HDAC4: variants seen among roughly 807,000 people sequenced by gnomAD.
The protein encoded by HDAC4 is histone deacetylase 4, also known as histone deacetylase A.
A neutral mutation model predicts 135.1 loss-of-function variants in HDAC4; 16 were observed. The observed-to-expected ratio is 0.12, with a 90% CI of 0.08 to 0.18. HDAC4 has a LOEUF of 0.18. HDAC4 is among the 10% of genes least tolerant of loss of function. The probability of loss-of-function intolerance (pLI) is 1.00; values close to 1 mark genes in which losing one functional copy is unlikely to be tolerated. For synonymous variants in HDAC4, 685 were observed against 653.4 expected (o/e 1.05, Z -0.74); for missense variants, 1,143 against 1,511.8 (o/e 0.76, Z 4.05).
chr2:239,138,856 C>T (rs756698315), intron 9 of HDAC4, among the ~76,000 whole-genome samples: 2 of 152,224 alleles, frequency 1.3e-5, no homozygotes, highest in Non-Finnish European at 2.9e-5. Context: ...GAACACGGAG[C>T]GAGGTCCTCG....
chr2:239,114,725 C>T (rs1042430212), intron 13 of HDAC4, among the ~76,000 whole-genome samples: 1 of 152,224 alleles, frequency 6.6e-6, no homozygotes, highest in Admixed American at 6.5e-5. Context: ...CTTTAAAAAG[C>T]ATGCTGTATC....
intron 14 of HDAC4, among the ~76,000 whole-genome samples, chr2:239,110,708 G>A (rs576763372): frequency 6.6e-6 from 1 of 152,218 alleles, no homozygotes; most frequent in Non-Finnish European, 1.5e-5. Context: ...TTCTTAGTGC[G>A]TCATTAACAA....
rs2041742838 is a variant in HDAC4, at chr2:239,146,092, C to T, written c.734-1378G>A. 1.3e-5 allele frequency among the ~76,000 whole-genome samples: 2 copies of T among 152,354 alleles called. No homozygotes were observed. The highest frequency in any genetic ancestry group is 4.8e-5 in the African/African-American group (2 of 41,580). On this transcript the variant is annotated intron_variant, in intron 7 of 26. Coordinates refer to ENST00000543185, the MANE Select transcript of HDAC4 (RefSeq NM_001378414.1). The surrounding 1 kb of genome is among the most constrained non-coding windows in gnomAD (Gnocchi z 4.5). ...CCTGGATGACGACAGATGACGGATT[C>T]AGCCACAAGCCGGCCTCTCCACGGG...
In HDAC4 at chr2:239,049,843, G is replaced by A. The variant is rs1267161873; in HGVS notation, c.*3254C>T. 2.6e-5 allele frequency: 4 copies of A among 152,372 alleles called. No homozygotes were observed. Among genetic ancestry groups the A allele is most frequent in the African/African-American group, 7.2e-5 (3 of 41,462 alleles). The allele number at this position is 152,372 out of a possible 1,614,324, so 9.4% of individuals were successfully genotyped here. A position where few individuals can be genotyped will look rare whatever the true frequency, so the allele number is the denominator to read the frequency against. On this transcript the variant is annotated 3_prime_UTR_variant, in exon 27 of 27. Transcript: ENST00000543185. Reference sequence around the variant, plus strand: ...GGGCGTGGGCACGTGGGCACGCTGCGGCACGGCGGGAAGCCGCGAGGGCAG... The same window carrying A: ...GGGCGTGGGCACGTGGGCACGCTGCAGCACGGCGGGAAGCCGCGAGGGCAG...
intron 5 of HDAC4, among the ~76,000 whole-genome samples, chr2:239,166,237 AC>A (rs1327295415): frequency 1.3e-5 from 2 of 152,140 alleles, no homozygotes; most frequent in African/African-American, 4.8e-5. Flanking sequence ...AACAGGGTCT[AC>A]CCAGGCTGTG....
At chr2:239,319,358 C>T (rs978907130) in intron 2 of HDAC4, among the ~76,000 whole-genome samples, 3 of 152,200 alleles carry the variant, frequency 2.0e-5, no homozygotes, top group African/African-American at 4.8e-5. Flanking sequence ...ATTAAGAAAA[C>T]GAAACCAACA....
At chr2:239,300,839 A>T (rs1162898815) in intron 2 of HDAC4, among the ~76,000 whole-genome samples, 1 of 152,256 alleles carries the variant, frequency 6.6e-6, no homozygotes, top group Non-Finnish European at 1.5e-5. Context: ...GTGAAAGAGA[A>T]GGGAAAGAAG....
chr2:239,323,947 A>G (rs1021419958), intron 2 of HDAC4, among the ~76,000 whole-genome samples: 1 of 152,216 alleles, frequency 6.6e-6, no homozygotes, highest in Non-Finnish European at 1.5e-5. Flanking sequence ...TCAGAATGAA[A>G]TATATCCTCT....
chr2:239,271,458 G>A (rs144845917), intron 2 of HDAC4, among the ~76,000 whole-genome samples: 8 of 152,314 alleles, frequency 5.3e-5, no homozygotes, highest in Middle Eastern at 3.4e-3. Context: ...CACATTCTAA[G>A]TTTTCAGTGC....
At chr2:239,399,307 G>A (rs1179684676) in intron 1 of HDAC4, among the ~76,000 whole-genome samples, 1 of 152,174 alleles carries the variant, frequency 6.6e-6, no homozygotes, top group Non-Finnish European at 1.5e-5. Flanking sequence ...CATAGTTACT[G>A]CAAAATTCTG....
chr2:239,277,224 C>T (rs1489788739), intron 2 of HDAC4, among the ~76,000 whole-genome samples: 1 of 152,222 alleles, frequency 6.6e-6, no homozygotes, highest in African/African-American at 2.4e-5. Context: ...ACCATGCTCC[C>T]AGAGCCGAGC....
rs759401388 is a variant in HDAC4 at position 239,167,493 on chromosome 2, G to A, written c.491-3570C>T. ...CATAGGCCTGGCCAGCAGGAAACAC[G>A]AGGAAGGTAAGTCTTCGATTCATGA... is the stretch of plus-strand genomic sequence containing the variant. On this transcript the variant is annotated intron_variant, in intron 5 of 26. Coordinates refer to ENST00000543185, the MANE Select transcript of HDAC4 (RefSeq NM_001378414.1). This position sits in a 1 kb window ranked among gnomAD's most constrained non-coding sequence, Gnocchi z 4.1. Among the ~76,000 whole-genome samples, 5 of 152,168 alleles carry A rather than the reference G, an allele frequency of 3.3e-5. No homozygotes were observed. The highest frequency in any genetic ancestry group is 2.1e-4 in the South Asian group (1 of 4,826).
At chr2:239,217,926 T>C (rs2046732769) in intron 3 of HDAC4, among the ~76,000 whole-genome samples, 1 of 152,014 alleles carries the variant, frequency 6.6e-6, no homozygotes, top group South Asian at 2.1e-4. Context: ...ACCCCATCTT[T>C]CCAAAAAATT....
intron 3 of HDAC4, among the ~76,000 whole-genome samples, chr2:239,206,613 C>T (rs1237915897): frequency 1.3e-5 from 2 of 150,958 alleles, no homozygotes; most frequent in South Asian, 2.1e-4. Context: ...GGAAGGAAAA[C>T]TCTGTGGGAC....
At chr2:239,329,964 G>C (rs1442373154) in intron 2 of HDAC4, among the ~76,000 whole-genome samples, 3 of 152,152 alleles carry the variant, frequency 2.0e-5, no homozygotes, top group African/African-American at 7.2e-5. Flanking sequence ...GGAGCAAGGA[G>C]GAGGGGTGTC....
intron 19 of HDAC4, among the ~76,000 whole-genome samples, chr2:239,085,478 G>C (rs544017247): frequency 1.3e-5 from 2 of 152,216 alleles, no homozygotes; most frequent in African/African-American, 4.8e-5. Flanking sequence ...GGCTCACGGG[G>C]AGCACAGCGA....
At chr2:239,386,718 G>C (rs979870858) in intron 1 of HDAC4, among the ~76,000 whole-genome samples, 1 of 152,254 alleles carries the variant, frequency 6.6e-6, no homozygotes, top group African/African-American at 2.4e-5. Flanking sequence ...AGAGGAGCAA[G>C]AGCCACATCC....
At chr2:239,341,935 T>C (rs1290186139) in intron 2 of HDAC4, among the ~76,000 whole-genome samples, 4 of 152,108 alleles carry the variant, frequency 2.6e-5, no homozygotes, top group African/African-American at 9.7e-5. Flanking sequence ...AGTGCCCTTA[T>C]TATAGAGGTT....
At chr2:239,102,980 A>G in intron 15 of HDAC4, 84 bp from the exon 16 acceptor site, 1 of 1,557,878 alleles carries the variant, frequency 6.4e-7, no homozygotes. Context: ...AACTGAAACC[A>G]TTGCCCAAAA....
Sources: gnomAD v4.1 joint callset for allele counts (sites outside exome capture counted in the v4.1 genomes callset) on GRCh38, gnomAD v4.1.1 for gene constraint, Gnocchi (gnomAD v3.1) non-coding constraint, MANE v1.5 for transcripts, NCBI Gene and HGNC (gene_info 2026-07-23, HGNC 2026-07-21) for gene names.